ARHGEF38: variants seen among roughly 807,000 people sequenced by gnomAD.
ARHGEF38 encodes Rho guanine nucleotide exchange factor (GEF) 38.
In ARHGEF38, 79 loss-of-function variants were observed where a neutral mutation model predicts 79.9. The ratio of observed to expected loss-of-function variants is 0.99; its 90% CI spans 0.82 to 1.19. The LOEUF (loss-of-function observed/expected upper bound fraction) is 1.19, where lower values mean the gene tolerates loss of function less well. Among genes scored for constraint, ARHGEF38 ranks in the 50% most tolerant of loss-of-function variants. ARHGEF38 has a pLI of 0.00. For synonymous variants in ARHGEF38, 366 were observed against 328.3 expected (o/e 1.11, Z -1.24); for missense variants, 962 against 907.2 (o/e 1.06, Z -0.78).
At chr4:105,595,861 A>T (rs1265805227) in intron 2 of ARHGEF38, among the ~76,000 whole-genome samples, 1 of 152,200 alleles carries the variant, frequency 6.6e-6, no homozygotes, top group African/African-American at 2.4e-5. Flanking sequence ...ATTTTAAAAA[A>T]TATTCTTGAT....
chr4:105,606,384 T>C (rs1412501896), intron 2 of ARHGEF38, among the ~76,000 whole-genome samples: 1 of 152,082 alleles, frequency 6.6e-6, no homozygotes, highest in African/African-American at 2.4e-5. Flanking sequence ...CACATATATA[T>C]GGAATTTTTA....
rs1260622821 is a variant in ARHGEF38, at chr4:105,613,507, G to A, written c.508G>A (p.Gly170Arg). Residue 170 changes from glycine (G) to arginine (R), a missense_variant and splice_region_variant, in exon 3 of 14, where the codon GGA becomes AGA. Coordinates refer to ENST00000420470, the MANE Select transcript of ARHGEF38 (RefSeq NM_001242729.2). Reference sequence around the variant, plus strand: ...CGTGGAACCGGCCATGCAAGTAATTGGTATGTTTATTCTCTTCTCGAGTTC... The same window carrying A: ...CGTGGAACCGGCCATGCAAGTAATTAGTATGTTTATTCTCTTCTCGAGTTC... ...TDVEPAMQVI[G>R]EVFLQIKGPL... is the part of the protein sequence containing the mutation. The A allele has an allele frequency of 6.2e-7, 1 of 1,611,800 alleles. No individual in the cohort carries two copies. Among genetic ancestry groups the A allele is most frequent in the Non-Finnish European group, 8.5e-7 (1 of 1,178,706 alleles).
At chr4:105,663,815 C>T (rs1487506354) in intron 10 of ARHGEF38, among the ~76,000 whole-genome samples, 5 of 151,870 alleles carry the variant, frequency 3.3e-5, no homozygotes, top group Non-Finnish European at 7.4e-5. Context: ...ACTAAAAATA[C>T]AAAAACTTGC....
At chr4:105,667,739 A>G (rs945087612) in intron 13 of ARHGEF38, 36 bp downstream of exon 13, 1 of 1,533,828 alleles carries the variant, frequency 6.5e-7, no homozygotes, top group Admixed American at 2.0e-5. Context: ...GGTTGTTCAA[A>G]TCATGAAAGA....
In ARHGEF38 at chr4:105,678,384, T is replaced by G. The variant is rs1052634848; in HGVS notation, c.*447T>G. 3 of 154,276 alleles carry G rather than the reference T, an allele frequency of 1.9e-5. No homozygotes were observed. Among genetic ancestry groups the G allele is most frequent in the Admixed American group, 1.9e-4 (3 of 15,690 alleles). The allele number at this position is 154,276 out of a possible 1,614,324, so 9.6% of individuals were successfully genotyped here. ...ATACATATAAACCATATATATTATG[T>G]AGCTTTATACACGTATGTGGATAAT... On this transcript the variant is annotated 3_prime_UTR_variant, in exon 14 of 14. Transcript: ENST00000420470.
intron 7 of ARHGEF38, among the ~76,000 whole-genome samples, chr4:105,653,087 T>C (rs1256933480): frequency 6.6e-6 from 1 of 152,166 alleles, no homozygotes; most frequent in South Asian, 2.1e-4. Flanking sequence ...GCCATTTTGA[T>C]AGCCAAGAAA....
chr4:105,679,090 T>G lies in ARHGEF38; in HGVS notation c.*1153T>G, dbSNP rs565016826. On this transcript the variant is annotated 3_prime_UTR_variant, in exon 14 of 14. Transcript: ENST00000420470. ...TTTGTGGCCCCCACTTCTTGATCTATTTCTGTTCCACTTCGTCTTCTACCA... is the reference window on the plus strand; with the variant it reads ...TTTGTGGCCCCCACTTCTTGATCTAGTTCTGTTCCACTTCGTCTTCTACCA... The G allele has an allele frequency of 4.0e-5, 21 of 525,224 alleles. No homozygotes were observed. The highest frequency in any genetic ancestry group is 1.6e-4 in the Admixed American group (5 of 30,756). The allele number at this position is 525,224 out of a possible 1,614,324, so 32.5% of individuals were successfully genotyped here.
At chr4:105,576,064 T>C (rs902356919) in intron 1 of ARHGEF38, among the ~76,000 whole-genome samples, 2 of 152,220 alleles carry the variant, frequency 1.3e-5, no homozygotes, top group Admixed American at 6.5e-5. Context: ...GTAGTATAAC[T>C]TAAAGTCCAG....
chr4:105,596,708 C>T (rs948600821), intron 2 of ARHGEF38, among the ~76,000 whole-genome samples: 18 of 152,188 alleles, frequency 1.2e-4, no homozygotes, highest in Non-Finnish European at 2.2e-4. Flanking sequence ...AGCCCATTGC[C>T]GTCCTATACA....
intron 2 of ARHGEF38, among the ~76,000 whole-genome samples, chr4:105,599,802 G>A (rs1037835945): frequency 9.2e-5 from 14 of 152,112 alleles, no homozygotes; most frequent in Non-Finnish European, 1.6e-4. Context: ...TTAGACACAG[G>A]CAAGGTAGAT....
At chr4:105,561,430 GAATAGAATAGAATAGAATGGAATAGAATA>G (rs1560684345) in intron 1 of ARHGEF38, among the ~76,000 whole-genome samples, 14 of 57,314 alleles carry the variant, frequency 2.4e-4, no homozygotes, top group African/African-American at 1.0e-3. Flanking sequence ...GAATGGAATA[GAATAGAATAGAATAGAATGGAATAGAATA>G]GAATAGAATA....
chr4:105,651,017 C>T (rs1259632100), intron 7 of ARHGEF38, among the ~76,000 whole-genome samples: 2 of 151,726 alleles, frequency 1.3e-5, no homozygotes, highest in African/African-American at 4.8e-5. Context: ...GCAAACAATT[C>T]CCCCCCCAAG....
chr4:105,589,153 T>C (rs1490662830), intron 1 of ARHGEF38, 95 bp from the exon 2 acceptor site: 6 of 984,028 alleles, frequency 6.1e-6, no homozygotes, highest in African/African-American at 3.3e-5. Flanking sequence ...TCAGCCTTTT[T>C]CCTTGTTAAC....
chr4:105,582,479 A>G (rs1726844838), intron 1 of ARHGEF38, among the ~76,000 whole-genome samples: 1 of 151,910 alleles, frequency 6.6e-6, no homozygotes, highest in African/African-American at 2.4e-5. Context: ...CACTTTAGTC[A>G]TTTCTTCTGT....
chr4:105,585,544 T>C (rs1013245302), intron 1 of ARHGEF38, among the ~76,000 whole-genome samples: 41 of 152,002 alleles, frequency 2.7e-4, no homozygotes, highest in African/African-American at 9.7e-4. Flanking sequence ...AAATACAGAG[T>C]GAAGTCAATT....
intron 3 of ARHGEF38, among the ~76,000 whole-genome samples, chr4:105,617,445 A>G (rs945795572): frequency 9.2e-5 from 14 of 152,174 alleles, no homozygotes; most frequent in African/African-American, 3.4e-4. Flanking sequence ...AGTGAATAAC[A>G]CTACCTGAAG....
At chr4:105,590,548 A>G (rs1727288326) in intron 2 of ARHGEF38, among the ~76,000 whole-genome samples, 1 of 152,220 alleles carries the variant, frequency 6.6e-6, no homozygotes, top group Non-Finnish European at 1.5e-5. Context: ...TGTTTCATCC[A>G]TAAATCTGTT....
intron 3 of ARHGEF38, among the ~76,000 whole-genome samples, chr4:105,630,640 G>T (rs1190566893): frequency 1.3e-5 from 2 of 151,650 alleles, no homozygotes; most frequent in Non-Finnish European, 2.9e-5. Flanking sequence ...CTGATAACTT[G>T]TTCATCCTTT....
chr4:105,652,137 A>C lies in ARHGEF38; in HGVS notation c.1009-1928A>C, dbSNP rs185114149. ...TGTCCAACTTGAAATAGAGGTGTGG[A>C]TTCTATCAATAAAGGGACAGTAGGA... On this transcript the variant is annotated intron_variant, in intron 7 of 13. Coordinates refer to ENST00000420470, the MANE Select transcript of ARHGEF38 (RefSeq NM_001242729.2). Among the ~76,000 whole-genome samples, 543 of 152,284 alleles carry C rather than the reference A, an allele frequency of 3.6e-3. 1 individual carries two copies. Among genetic ancestry groups the C allele is most frequent in the African/African-American group, 0.013 (525 of 41,548 alleles).
Sources: allele counts gnomAD v4.1 joint callset (sites outside exome capture counted in the v4.1 genomes callset), GRCh38; gene constraint gnomAD v4.1.1; transcripts MANE v1.5; gene names NCBI Gene and HGNC (gene_info 2026-07-23, HGNC 2026-07-21).